HACD2: variants seen among roughly 807,000 people sequenced by gnomAD.
The protein encoded by HACD2 is 3-hydroxyacyl-CoA dehydratase 2.
HACD2 carries 15 observed loss-of-function variants against 31.0 expected under a neutral mutation model. That is an observed-to-expected ratio of 0.48 (90% CI 0.32 to 0.75). The LOEUF is 0.75. Ranked by LOEUF, HACD2 falls within the 30% of genes least tolerant of loss-of-function variation. The pLI, the probability that HACD2 is intolerant of heterozygous loss-of-function variation, is 0.03. For synonymous variants in HACD2, 115 were observed against 122.2 expected (o/e 0.94, Z 0.39); for missense variants, 283 against 313.0 (o/e 0.90, Z 0.72).
At chr3:123,503,724 A>G (rs2055937260) in intron 4 of HACD2, among the ~76,000 whole-genome samples, 1 of 151,598 alleles carries the variant, frequency 6.6e-6, no homozygotes, top group African/African-American at 2.4e-5. Context: ...AAAAAAAAAA[A>G]AAGACCGTCC....
At chr3:123,574,219 A>T (rs1412993851) in intron 2 of HACD2, among the ~76,000 whole-genome samples, 1 of 152,234 alleles carries the variant, frequency 6.6e-6, no homozygotes, top group Non-Finnish European at 1.5e-5. Flanking sequence ...CTTGCTACTG[A>T]CAAACTGTGA....
chr3:123,494,961 T>C lies in HACD2; in HGVS notation c.692A>G (p.Gln231Arg). Residue 231 changes from glutamine (Q) to arginine (R), a missense_variant, in exon 7 of 7, where the codon CAG (glutamine) becomes CGG (arginine). By Grantham distance (43) the Gln-to-Arg change is conservative. Transcript: ENST00000383657. ...CTGGTGTATCATGTGGAAGTATAACTGGGGAAAAACTGAAAAGAAAAGAAA... is the reference window on the plus strand; with the variant it reads ...CTGGTGTATCATGTGGAAGTATAACCGGGGAAAAACTGAAAAGAAAAGAAA... ...IMISYIPIFPQLYFHMIHQRR... is the reference protein window; with the variant it reads ...IMISYIPIFPRLYFHMIHQRR... The C allele has an allele frequency of 6.4e-7, 1 of 1,553,712 alleles. No individual in the cohort carries two copies. Among genetic ancestry groups the C allele is most frequent in the East Asian group, 2.4e-5 (1 of 41,904 alleles).
At chr3:123,581,995 C>T (rs1023450860) in intron 2 of HACD2, among the ~76,000 whole-genome samples, 2 of 151,992 alleles carry the variant, frequency 1.3e-5, no homozygotes, top group African/African-American at 2.4e-5. Flanking sequence ...CCAAAAAAGT[C>T]GAATATAAAA....
intron 4 of HACD2, among the ~76,000 whole-genome samples, chr3:123,508,834 T>C (rs2056011843): frequency 1.3e-5 from 2 of 152,150 alleles, no homozygotes; most frequent in South Asian, 4.1e-4. Context: ...TTATGGAGGC[T>C]GGAAGTCTGA....
At chr3:123,556,665 A>C (rs949879103) in intron 3 of HACD2, among the ~76,000 whole-genome samples, 1 of 152,190 alleles carries the variant, frequency 6.6e-6, no homozygotes, top group African/African-American at 2.4e-5. Context: ...TATTAAAAGA[A>C]TCAAAAGACA....
intron 3 of HACD2, among the ~76,000 whole-genome samples, chr3:123,529,978 C>A (rs1197079151): frequency 6.6e-6 from 1 of 151,964 alleles, no homozygotes; most frequent in Non-Finnish European, 1.5e-5. Flanking sequence ...ATGTTTTAAG[C>A]CATTCTTGTA....
rs2056168558 is a variant in HACD2, at chr3:123,518,053, G to A, written c.381+10333C>T. 1.7e-4 allele frequency among the ~76,000 whole-genome samples: 2 copies of A among 11,590 alleles called. 1 individual carries two copies. The highest frequency in any genetic ancestry group is 1.8e-4 in the African/African-American group (2 of 10,858). The allele number at this position is 11,590 out of a possible 152,430, so 7.6% of individuals were successfully genotyped here. A position where few individuals can be genotyped will look rare whatever the true frequency, so the allele number is the denominator to read the frequency against. ...TAAAAATACAAAAAATTAGCCGGGC[G>A]TAGTGGCGGGCGCCTGTGGTCCCAG... On this transcript the variant is annotated intron_variant, in intron 4 of 6. Coordinates refer to ENST00000383657, the MANE Select transcript of HACD2 (RefSeq NM_198402.5).
rs1251701506 is a variant in HACD2, at chr3:123,492,330, T to G, written c.*2558A>C. ...TGACTATGCCCTGAAATGAAACCTC[T>G]AAGTCTGACAAAATACCCACAAAAA... is the stretch of plus-strand genomic sequence containing the variant. On this transcript the variant is annotated 3_prime_UTR_variant, in exon 7 of 7. Transcript: ENST00000383657. 6.6e-6 allele frequency: 1 copy of G among 152,218 alleles called. No individual in the cohort carries two copies. Among genetic ancestry groups the G allele is most frequent in the Non-Finnish European group, 1.5e-5 (1 of 68,042 alleles). The allele number at this position is 152,218 out of a possible 1,614,324, so 9.4% of individuals were successfully genotyped here.
At chr3:123,571,167 T>C (rs1490923860) in intron 2 of HACD2, among the ~76,000 whole-genome samples, 1 of 152,226 alleles carries the variant, frequency 6.6e-6, no homozygotes, top group Non-Finnish European at 1.5e-5. Flanking sequence ...GCAGAGAGAA[T>C]AAATTACTTA....
chr3:123,499,512 T>C, intron 6 of HACD2: 1 of 408,466 alleles, frequency 2.4e-6, no homozygotes, highest in Admixed American at 2.9e-5. Flanking sequence ...GAAATCTGGA[T>C]GTAGTTTTTT....
At chr3:123,570,042 G>T (rs904139573) in intron 2 of HACD2, among the ~76,000 whole-genome samples, 1 of 132,106 alleles carries the variant, frequency 7.6e-6, no homozygotes, top group Non-Finnish European at 1.6e-5. Context: ...CATCCAGGCT[G>T]CTGATTAGCA....
At position 123,528,630 on chromosome 3, in the gene HACD2, T is replaced by C. The variant is rs1006668; in HGVS notation, c.293-156A>G. Among the ~76,000 whole-genome samples the C allele has an allele frequency of 4.3e-3, 661 of 152,312 alleles. 4 individuals carry two copies. The highest frequency in any genetic ancestry group is 0.015 in the African/African-American group (642 of 41,564). On this transcript the variant is annotated intron_variant, in intron 3 of 6. Transcript: ENST00000383657. The stretch of plus-strand genomic sequence containing the variant: ...TGTTACACAGACTAAGTTTTCAATG[T>C]AGTCCACATTAAAACAAAGTTTTCT...
At chr3:123,573,539 T>C (rs1016239798) in intron 2 of HACD2, among the ~76,000 whole-genome samples, 1 of 152,198 alleles carries the variant, frequency 6.6e-6, no homozygotes, top group African/African-American at 2.4e-5. Flanking sequence ...AGACAGCCCA[T>C]CTGCTGCTGC....
intron 3 of HACD2, among the ~76,000 whole-genome samples, chr3:123,543,506 G>A (rs1443534575): frequency 1.3e-5 from 2 of 152,090 alleles, no homozygotes; most frequent in African/African-American, 4.8e-5. Context: ...GATGGCTGGG[G>A]GACTGGGGTG....
At chr3:123,584,579 C>T (rs910216027) in intron 1 of HACD2, 7 of 273,654 alleles carry the variant, frequency 2.6e-5, no homozygotes, top group Non-Finnish European at 4.1e-5. Context: ...GCACCTGTGG[C>T]CAGCCCCACC....
At chr3:123,549,377 C>T (rs532324292) in intron 3 of HACD2, among the ~76,000 whole-genome samples, 2 of 152,222 alleles carry the variant, frequency 1.3e-5, no homozygotes, top group Admixed American at 1.3e-4. Flanking sequence ...AGTCACACTT[C>T]TCAAGGCTAC....
At chr3:123,515,814 G>A (rs932903326) in intron 4 of HACD2, among the ~76,000 whole-genome samples, 1 of 151,694 alleles carries the variant, frequency 6.6e-6, no homozygotes, top group African/African-American at 2.4e-5. Flanking sequence ...GCAGTGCAGT[G>A]GCACAGTGTC....
At chr3:123,532,023 T>C (rs2107710717) in intron 3 of HACD2, among the ~76,000 whole-genome samples, 2 of 152,348 alleles carry the variant, frequency 1.3e-5, no homozygotes, top group South Asian at 4.1e-4. Flanking sequence ...TTTAAGGCTC[T>C]TGAAATGTAT....
rs770404869 is a variant in HACD2 at position 123,584,970 on chromosome 3, C to A, written c.58G>T (p.Ala20Ser). 85 of 1,485,962 alleles carry A rather than the reference C, an allele frequency of 5.7e-5. 1 individual carries two copies. The South Asian group carries it at 9.9e-4, about 17-fold the overall frequency. The allele number at this position is 1,485,962 out of a possible 1,614,324, so 92.0% of individuals were successfully genotyped here. The change falls in exon 1 of 7, where the codon GCC (alanine) becomes TCC (serine). Residue 20 changes from alanine to serine, a missense_variant. Ala to Ser is a moderately conservative substitution (Grantham distance 99, BLOSUM62 1). This residue lies in a region of HACD2 where 158 missense variants were observed against 148.3 expected (regional missense o/e 1.07). Transcript: ENST00000383657. The part of the protein sequence containing the change: ...AKGNGGGGGR[A>S]GAGDASGTRK... ...GTGCCGCTGGCGTCCCCGGCCCCGG[C>A]CCTGCCACCGCCGCCCCCATTCCCC...
Sources: allele counts gnomAD v4.1 joint callset (sites outside exome capture counted in the v4.1 genomes callset), GRCh38; gene constraint gnomAD v4.1.1; regional missense constraint gnomAD v4.1.1; transcripts MANE v1.5; gene names NCBI Gene and HGNC (gene_info 2026-07-23, HGNC 2026-07-21).